The following SGCZ variants were observed in gnomAD, a reference collection of about 807,000 sequenced individuals.
The protein encoded by SGCZ is sarcoglycan zeta.
In SGCZ, 40 loss-of-function variants were observed where a neutral mutation model predicts 41.3. The observed-to-expected ratio is 0.97, with a 90% CI of 0.75 to 1.26. SGCZ has a LOEUF of 1.26. SGCZ is among the 50% of genes most tolerant of loss of function. SGCZ has a pLI of 0.00. For missense variants in SGCZ, 552 were observed against 369.8 expected, an observed-to-expected ratio of 1.49 and a Z score of -4.04; for synonymous variants, 206 against 137.5, an observed-to-expected ratio of 1.50 and a Z score of -3.49.
At chr8:14,199,602 AC>A (rs1195600182) in intron 4 of SGCZ, among the ~76,000 whole-genome samples, 2 of 152,042 alleles carry the variant, frequency 1.3e-5, no homozygotes, top group Non-Finnish European at 2.9e-5. Flanking sequence ...GCATCACGGA[AC>A]CTGCTGACGT....
intron 1 of SGCZ, among the ~76,000 whole-genome samples, chr8:14,964,024 T>G (rs1226534794): frequency 6.6e-6 from 1 of 152,234 alleles, no homozygotes; most frequent in African/African-American, 2.4e-5. Flanking sequence ...CTTTAAATCC[T>G]ATGCAAAGGT....
In SGCZ at chr8:15,007,789, AATAG is replaced by A. The variant is rs1423004394; in HGVS notation, c.39+229792_39+229795del. The stretch of plus-strand genomic sequence containing the variant: ...TAATTGAAATATAATTACTGTGTAA[AATAG>A]ATAGCAGCATTTATTATTGTTATTA... On this transcript the variant is annotated intron_variant, in intron 1 of 7. Transcript: ENST00000382080. 7.9e-5 allele frequency among the ~76,000 whole-genome samples: 12 copies of A among 152,236 alleles called. No individual in the cohort carries two copies. The South Asian group carries it at 1.2e-3, about 16-fold the overall frequency.
intron 2 of SGCZ, among the ~76,000 whole-genome samples, chr8:14,433,118 G>A (rs62499692): frequency 0.76 from 115,286 of 151,956 alleles, 47,614 homozygotes; most frequent in Non-Finnish European, 0.92. Context: ...TTACATATGT[G>A]GAAAATAAAA....
chr8:14,377,356 G>A (rs1033964806), intron 2 of SGCZ, among the ~76,000 whole-genome samples: 1 of 152,068 alleles, frequency 6.6e-6, no homozygotes, highest in Non-Finnish European at 1.5e-5. Context: ...CTTGCCCTAT[G>A]TGTCTCCTTC....
At chr8:14,522,867 T>C (rs1320614904) in intron 2 of SGCZ, among the ~76,000 whole-genome samples, 1 of 151,828 alleles carries the variant, frequency 6.6e-6, no homozygotes, top group African/African-American at 2.4e-5. Flanking sequence ...ATTATAAATT[T>C]TCTTCTCAAT....
chr8:14,893,298 T>C (rs943262124), intron 1 of SGCZ, among the ~76,000 whole-genome samples: 2 of 151,916 alleles, frequency 1.3e-5, no homozygotes, highest in African/African-American at 4.8e-5. Context: ...GCCAGAAAAG[T>C]GAAGGAAATA....
intron 1 of SGCZ, among the ~76,000 whole-genome samples, chr8:15,200,629 C>T (rs1800861264): frequency 6.6e-6 from 1 of 152,180 alleles, no homozygotes; most frequent in Admixed American, 6.5e-5. Flanking sequence ...GGAGTCATAT[C>T]ACCTTAGATC....
rs765284317 is a variant in SGCZ, at chr8:14,108,207, A to G, written c.576T>C (p.Ser192=). Reference sequence around the variant, plus strand: ...CTGCTCTGATGTGCGGCGTCTCCACAGAGTGCCCAAATACGGCTCCTTCAG... The same window carrying G: ...CTGCTCTGATGTGCGGCGTCTCCACGGAGTGCCCAAATACGGCTCCTTCAG... ...TGTEGAVFGH[S]VETPHIRAEP... Residue 192 remains serine (S), a synonymous_variant, in exon 6 of 8, where the codon TCT becomes TCC. Transcript: ENST00000382080. 1.2e-6 allele frequency: 2 copies of G among 1,614,122 alleles called. No homozygotes were observed. Among genetic ancestry groups the G allele is most frequent in the Admixed American group, 1.7e-5 (1 of 60,016 alleles).
At chr8:14,506,011 C>CT (rs907506186) in intron 2 of SGCZ, among the ~76,000 whole-genome samples, 135 of 149,954 alleles carry the variant, frequency 9.0e-4, no homozygotes, top group African/African-American at 2.7e-3. Context: ...TCTCATTCTT[C>CT]TTTTTTTTTT....
rs535646095 is a variant in SGCZ, at chr8:14,990,937, G to A, written c.39+246648C>T. ...GTCCCAGTCCAGCATATGATTTAGA[G>A]TTACCCAGGAGGGCAGAAATTGGGT... On this transcript the variant is annotated intron_variant, in intron 1 of 7. Transcript: ENST00000382080. Among the ~76,000 whole-genome samples, 14 of 152,170 alleles carry A rather than the reference G, an allele frequency of 9.2e-5. No individual in the cohort carries two copies. The South Asian group carries it at 2.9e-3, about 32-fold the overall frequency.
chr8:14,281,657 T>A (rs549732807), intron 3 of SGCZ, among the ~76,000 whole-genome samples: 1 of 152,184 alleles, frequency 6.6e-6, no homozygotes, highest in East Asian at 1.9e-4. Flanking sequence ...ATTCTCTTAA[T>A]ACAAATATAC....
chr8:14,466,909 G>A (rs183296407), intron 2 of SGCZ, among the ~76,000 whole-genome samples: 6 of 151,780 alleles, frequency 4.0e-5, no homozygotes, highest in South Asian at 2.1e-4. Context: ...GAAGACCAGT[G>A]TATTAAAATC....
Position 15,000,754 on chromosome 8 carries a change from T to G in SGCZ, c.39+236831A>C, listed in dbSNP as rs1440833648. ...ATGGAAACAATCTGTGAGCCCTGTG[T>G]AAATCAGACACCGCCTTCTCCAGCC... On this transcript the variant is annotated intron_variant, in intron 1 of 7. Coordinates refer to ENST00000382080, the MANE Select transcript of SGCZ (RefSeq NM_139167.4). 3.3e-5 allele frequency among the ~76,000 whole-genome samples: 5 copies of G among 152,166 alleles called. No homozygotes were observed. In the East Asian group the frequency reaches 9.6e-4, roughly 29 times the overall value.
intron 1 of SGCZ, among the ~76,000 whole-genome samples, chr8:14,755,509 T>A (rs1050238549): frequency 6.6e-6 from 1 of 152,200 alleles, no homozygotes; most frequent in African/African-American, 2.4e-5. Flanking sequence ...TATAATTGTC[T>A]ATGATAGTCT....
intron 1 of SGCZ, among the ~76,000 whole-genome samples, chr8:14,741,012 T>A (rs1174759077): frequency 6.6e-6 from 1 of 152,116 alleles, no homozygotes; most frequent in Admixed American, 6.6e-5. Flanking sequence ...CCTTTAATTA[T>A]GTACTTATTT....
intron 4 of SGCZ, among the ~76,000 whole-genome samples, chr8:14,237,336 A>G (rs994333591): frequency 2.0e-5 from 3 of 152,162 alleles, no homozygotes; most frequent in Non-Finnish European, 4.4e-5. Context: ...ATGTTGAGTT[A>G]TGTATCAGGG....
At chr8:14,185,126 G>T (rs1400065708) in intron 4 of SGCZ, among the ~76,000 whole-genome samples, 1 of 151,950 alleles carries the variant, frequency 6.6e-6, no homozygotes, top group Non-Finnish European at 1.5e-5. Flanking sequence ...TTTCACCCAG[G>T]CACGGTGGCT....
intron 1 of SGCZ, among the ~76,000 whole-genome samples, chr8:14,755,612 A>G (rs1799639722): frequency 6.6e-6 from 1 of 152,200 alleles, no homozygotes; most frequent in Admixed American, 6.5e-5. Flanking sequence ...AAGTGACATG[A>G]CCATGCTGGA....
chr8:14,975,789 T>TTTTATATATA (rs757234349), intron 1 of SGCZ, among the ~76,000 whole-genome samples: 3 of 125,436 alleles, frequency 2.4e-5, no homozygotes, highest in Non-Finnish European at 5.2e-5. Flanking sequence ...TTTTCCACTT[T>TTTTATATATA]TATATATATA....
Sources: allele counts gnomAD v4.1 joint callset (sites outside exome capture counted in the v4.1 genomes callset), GRCh38; gene constraint gnomAD v4.1.1; transcripts MANE v1.5; gene names NCBI Gene and HGNC (gene_info 2026-07-23, HGNC 2026-07-21).